LRP1: variants seen among roughly 807,000 people sequenced by gnomAD.
LRP1 encodes LDL receptor related protein 1.
A neutral mutation model predicts 541.5 loss-of-function variants in LRP1; 51 were observed. The observed-to-expected ratio is 0.09, with a 90% CI of 0.08 to 0.12. The LOEUF (loss-of-function observed/expected upper bound fraction) is 0.12, where lower values mean the gene tolerates loss of function less well. Among genes scored for constraint, LRP1 ranks in the 10% least tolerant of loss-of-function variants. LRP1 has a pLI of 1.00. For missense variants in LRP1, 3,878 were observed against 6,376.2 expected (o/e 0.61, Z 13.34); for synonymous variants, 2,219 against 2,470.8 (o/e 0.90, Z 3.02).
In LRP1 at chr12:57,179,204, G is replaced by A; in HGVS notation, c.4739-125G>A. 1 of 1,160,700 alleles carries A rather than the reference G, an allele frequency of 8.6e-7. No individual in the cohort carries two copies. Among genetic ancestry groups the A allele is most frequent in the South Asian group, 1.5e-5 (1 of 68,368 alleles). The allele number at this position is 1,160,700 out of a possible 1,614,324, so 71.9% of individuals were successfully genotyped here. A position where few individuals can be genotyped will look rare whatever the true frequency, so the allele number is the denominator to read the frequency against. On this transcript the variant is annotated intron_variant, in intron 28 of 88. Coordinates refer to ENST00000243077, the MANE Select transcript of LRP1 (RefSeq NM_002332.3). The surrounding 1 kb of genome is among the most constrained non-coding windows in gnomAD (Gnocchi z 6.8). The stretch of plus-strand genomic sequence containing the variant: ...TGCCAGGGGGGCTGCACCCAGCGGG[G>A]TATGTCCACGGAGCCAAGGGCCAGT...
At chr12:57,140,696 C>G (rs2035270637) in intron 2 of LRP1, among the ~76,000 whole-genome samples, 3 of 152,128 alleles carry the variant, frequency 2.0e-5, no homozygotes, top group African/African-American at 4.8e-5. Context: ...AGTTTCTCTG[C>G]CATGGACCCT....
intron 55 of LRP1, among the ~76,000 whole-genome samples, 154 bp from the exon 56 acceptor site, chr12:57,196,828 C>T (rs2036543259): frequency 1.3e-5 from 2 of 152,188 alleles, no homozygotes; most frequent in South Asian, 4.1e-4. Context: ...CAGAAGGAGG[C>T]CTGCACTGTG....
At chr12:57,160,047 T>C in intron 12 of LRP1, 42 bp downstream of exon 12, 1 of 1,592,462 alleles carries the variant, frequency 6.3e-7, no homozygotes. Flanking sequence ...GCTGGGAGTG[T>C]GTGGGCCTCA....
At chr12:57,143,599 G>A in intron 3 of LRP1, 80 bp from the exon 4 acceptor site, 2 of 1,538,086 alleles carry the variant, frequency 1.3e-6, no homozygotes, top group Middle Eastern at 2.3e-4. Context: ...AAGGTTGACT[G>A]GGTTTAGGGG....
At chr12:57,171,075 G>A (rs1056339024) in intron 20 of LRP1, among the ~76,000 whole-genome samples, 1 of 152,194 alleles carries the variant, frequency 6.6e-6, no homozygotes, top group Non-Finnish European at 1.5e-5. Flanking sequence ...GAGGGGCACA[G>A]GTGATATCCC....
chr12:57,194,825 A>G lies in LRP1; in HGVS notation c.8191+126A>G, dbSNP rs1012353121. 2.8e-5 allele frequency: 36 copies of G among 1,275,368 alleles called. No homozygotes were observed. The African/African-American group carries it at 4.8e-4, about 17-fold the overall frequency. 79.0% of individuals were successfully genotyped at this position (1,275,368 alleles called of 1,614,324 possible). A position where few individuals can be genotyped will look rare whatever the true frequency, so the allele number is the denominator to read the frequency against. Reference sequence around the variant, plus strand: ...CTTCAACCCCCTGCCCCACACCCCAACTCTTGAGGTCAGACTCAGAGACTC... The same window carrying G: ...CTTCAACCCCCTGCCCCACACCCCAGCTCTTGAGGTCAGACTCAGAGACTC... On this transcript the variant is annotated intron_variant, in intron 50 of 88. Transcript: ENST00000243077.
At chr12:57,209,916 T>C (rs764747902) in intron 80 of LRP1, 48 bp downstream of exon 80, 61 of 1,603,804 alleles carry the variant, frequency 3.8e-5, no homozygotes, top group Admixed American at 6.7e-5. Context: ...CCTGTGGGCA[T>C]TGAGTCTCCA....
At chr12:57,160,565 T>G (rs2035709286) in intron 12 of LRP1, among the ~76,000 whole-genome samples, 1 of 152,102 alleles carries the variant, frequency 6.6e-6, no homozygotes. Context: ...CTCCACCCCA[T>G]CACCCTGCTT....
chr12:57,141,714 G>C (rs952284892), intron 3 of LRP1, among the ~76,000 whole-genome samples: 12 of 152,062 alleles, frequency 7.9e-5, no homozygotes, highest in African/African-American at 2.7e-4. Context: ...TCAGCCGTGG[G>C]CTGTAGCCTG....
At position 57,170,727 on chromosome 12, in the gene LRP1, G is replaced by A. The variant is rs375175956; in HGVS notation, c.3163+1420G>A. Among the ~76,000 whole-genome samples the A allele has an allele frequency of 1.2e-3, 189 of 152,248 alleles. 3 individuals carry two copies. The South Asian group carries it at 0.037, about 30-fold the overall frequency. The stretch of plus-strand genomic sequence containing the variant: ...TCCCAGCTACTCAGAAGGCTGAGGT[G>A]AGAGGTTGAGCCCAGGAGGTTGAGG... On this transcript the variant is annotated intron_variant, in intron 20 of 88. Transcript: ENST00000243077.
intron 77 of LRP1, 85 bp downstream of exon 77, chr12:57,208,301 C>A: frequency 2.1e-6 from 3 of 1,406,242 alleles, no homozygotes; most frequent in Non-Finnish European, 2.9e-6. Flanking sequence ...CACATGCGTG[C>A]CCTTCCCTCC....
At chr12:57,194,949 C>A in intron 50 of LRP1, 36 bp from the exon 51 acceptor site, 1 of 1,558,002 alleles carries the variant, frequency 6.4e-7, no homozygotes, top group South Asian at 1.1e-5. Flanking sequence ...TGACCCCCAC[C>A]CTTCCCCATC....
chr12:57,203,365 G>A (rs369823679), intron 69 of LRP1, 24 bp from the exon 70 acceptor site: 19 of 1,595,052 alleles, frequency 1.2e-5, no homozygotes, highest in Non-Finnish European at 1.5e-5. Context: ...AGAGGTGACC[G>A]GCTGCCTGTG....
intron 12 of LRP1, 30 bp downstream of exon 12, chr12:57,160,035 G>A: frequency 6.2e-7 from 1 of 1,607,872 alleles, no homozygotes; most frequent in Non-Finnish European, 8.5e-7. Context: ...GGGGTGGGAG[G>A]AGCTGGGAGT....
intron 20 of LRP1, 23 bp downstream of exon 20, chr12:57,169,330 G>A (rs1369319041): frequency 1.9e-6 from 3 of 1,587,562 alleles, no homozygotes; most frequent in East Asian, 2.3e-5. Context: ...GGCCCGTGGG[G>A]TGGGGATGAG....
In LRP1 at chr12:57,205,361, G is replaced by A. The variant is rs917846374; in HGVS notation, c.11346G>A (p.Leu3782=). The A allele has an allele frequency of 6.2e-7, 1 of 1,607,058 alleles. No homozygotes were observed. Among genetic ancestry groups the A allele is most frequent in the Admixed American group, 1.7e-5 (1 of 59,840 alleles). ...CTCTGTCCCCCACAGACCCCAAGCT[G>A]ACCAGCTGCGCCACCAATGCCAGCA... ...DEEDCSIDPK[L]TSCATNASIC... is the part of the protein sequence containing the mutation. Residue 3782 remains leucine, a synonymous_variant, in exon 74 of 89, where the codon CTG becomes CTA. Coordinates refer to ENST00000243077, the MANE Select transcript of LRP1 (RefSeq NM_002332.3). This position sits in a 1 kb window ranked among gnomAD's most constrained non-coding sequence, Gnocchi z 4.6.
intron 81 of LRP1, 38 bp from the exon 82 acceptor site, chr12:57,210,269 T>C: frequency 6.5e-7 from 1 of 1,548,016 alleles, no homozygotes; most frequent in Non-Finnish European, 8.7e-7. Flanking sequence ...TCTCCTCCTA[T>C]TCCCCTGGCT....
At position 57,195,417 on chromosome 12, in the gene LRP1, G is replaced by A. The variant is rs375066294; in HGVS notation, c.8437+18G>A. The A allele has an allele frequency of 7.6e-5, 122 of 1,599,712 alleles. No homozygotes were observed. In the South Asian group the frequency reaches 8.5e-4, roughly 11 times the overall value. On this transcript the variant is annotated intron_variant, in intron 52 of 88. Transcript: ENST00000243077. ...TGGTTGCTGTGAGTGGCGGGGCCAC[G>A]TGGAGCGGGTGGACAGCAAATGGCC...
chr12:57,166,247 A>G (rs901050471), intron 17 of LRP1, 38 bp downstream of exon 17: 11 of 1,562,498 alleles, frequency 7.0e-6, no homozygotes, highest in Non-Finnish European at 9.5e-6. Context: ...GGCACCCCTC[A>G]GTCAAGGAGG....
Sources: gnomAD v4.1 joint callset for allele counts (sites outside exome capture counted in the v4.1 genomes callset) on GRCh38, gnomAD v4.1.1 for gene constraint, Gnocchi (gnomAD v3.1) non-coding constraint, MANE v1.5 for transcripts, NCBI Gene and HGNC (gene_info 2026-07-23, HGNC 2026-07-21) for gene names.